ASTN1: variants seen among roughly 807,000 people sequenced by gnomAD.
The protein encoded by ASTN1 is astrotactin 1.
ASTN1 carries 41 observed loss-of-function variants against 140.7 expected under a neutral mutation model. The ratio of observed to expected loss-of-function variants is 0.29; its 90% CI spans 0.23 to 0.38. The LOEUF is 0.38. Among genes scored for constraint, ASTN1 ranks in the 10% least tolerant of loss-of-function variants. The probability of loss-of-function intolerance (pLI) is 1.00; values close to 1 mark genes in which losing one functional copy is unlikely to be tolerated. For missense variants in ASTN1, 1,479 were observed against 1,678.8 expected (o/e 0.88, Z 2.08); for synonymous variants, 640 against 652.2 (o/e 0.98, Z 0.29).
chr1:176,988,317 G>GAA lies in ASTN1; in HGVS notation c.1524-23082_1524-23081dup, dbSNP rs386368806. On this transcript the variant is annotated intron_variant, in intron 8 of 22. Transcript: ENST00000361833. ...GTAGAAATTGCAGAGGATATATTGG[G>GAA]AAAAAAAAAAAAAAAACCTTTCCTT... Among the ~76,000 whole-genome samples, 388 of 139,984 alleles carry GAA rather than the reference G, an allele frequency of 2.8e-3. 2 individuals are homozygous for GAA. Among genetic ancestry groups the GAA allele is most frequent in the African/African-American group, 9.6e-3 (365 of 38,208 alleles). 91.8% of individuals were successfully genotyped at this position (139,984 alleles called of 152,430 possible).
chr1:177,059,265 CAGACCATATTATAAATTTGA>C (rs561124032), intron 2 of ASTN1, among the ~76,000 whole-genome samples: 2 of 152,226 alleles, frequency 1.3e-5, no homozygotes, highest in Admixed American at 1.3e-4. Flanking sequence ...TCTTTTTAGT[CAGACCATATTATAAATTTGA>C]AGACAATCTG....
intron 8 of ASTN1, among the ~76,000 whole-genome samples, chr1:176,986,996 C>T (rs970618079): frequency 3.9e-5 from 6 of 152,054 alleles, no homozygotes; most frequent in Non-Finnish European, 8.8e-5. Context: ...TTTTGACCCC[C>T]CTCTTAACTA....
chr1:177,034,889 C>A (rs892358713), intron 2 of ASTN1, among the ~76,000 whole-genome samples: 1 of 152,140 alleles, frequency 6.6e-6, no homozygotes, highest in African/African-American at 2.4e-5. Flanking sequence ...GTAGCGTAAG[C>A]ATCAATCTCT....
At chr1:176,930,267 C>T (rs986235391) in intron 16 of ASTN1, among the ~76,000 whole-genome samples, 2 of 152,152 alleles carry the variant, frequency 1.3e-5, no homozygotes, top group African/African-American at 4.8e-5. Flanking sequence ...CACAAATCTA[C>T]CACAGTGTAG....
intron 8 of ASTN1, among the ~76,000 whole-genome samples, chr1:177,002,596 TA>T (rs148985179): frequency 2.6e-5 from 4 of 151,822 alleles, no homozygotes; most frequent in Admixed American, 6.6e-5. Context: ...ATTCCTTTTG[TA>T]AAAAAAATAG....
At chr1:176,857,556 C>G (rs1667849661), downstream of ASTN1, 1 of 514,556 alleles carries the variant, frequency 1.9e-6, no homozygotes, top group Non-Finnish European at 3.5e-6. Flanking sequence ...GAGATGCCAT[C>G]TGAGGCAGGG....
At chr1:177,088,832 C>A (rs1458439867) in intron 1 of ASTN1, among the ~76,000 whole-genome samples, 1 of 152,112 alleles carries the variant, frequency 6.6e-6, no homozygotes, top group Non-Finnish European at 1.5e-5. Context: ...ATGGAGTTTT[C>A]TTTGCTCTCT....
rs138652147 is a variant in ASTN1 at position 176,945,391 on chromosome 1, A to C, written c.2249+535T>G. Among the ~76,000 whole-genome samples the C allele has an allele frequency of 7.0e-4, 107 of 152,348 alleles. No individual in the cohort carries two copies. The Middle Eastern group carries it at 0.014, about 19-fold the overall frequency. On this transcript the variant is annotated intron_variant, in intron 13 of 22. Transcript: ENST00000361833. ...TTTTATAAAACATGAGAGAAGTAAT[A>C]TTTTATATTTTTTGCAAATTTAAAA...
chr1:177,071,541 C>A (rs545065585), intron 1 of ASTN1, among the ~76,000 whole-genome samples: 3 of 152,318 alleles, frequency 2.0e-5, no homozygotes, highest in African/African-American at 7.2e-5. Context: ...TTCTAGGGAA[C>A]AGGCTTTCCA....
intron 16 of ASTN1, among the ~76,000 whole-genome samples, chr1:176,924,061 A>G (rs139355737): frequency 1.8e-4 from 28 of 152,298 alleles, no homozygotes; most frequent in African/African-American, 6.5e-4. Flanking sequence ...CTGAATTTCC[A>G]TGGCCAGCCC....
At chr1:176,884,587 C>A in intron 18 of ASTN1, 97 bp from the exon 19 acceptor site, 1 of 1,340,918 alleles carries the variant, frequency 7.5e-7, no homozygotes. Flanking sequence ...CTTTTCTTTC[C>A]CAACCAACTA....
At chr1:176,964,173 C>T (rs556939190) in intron 9 of ASTN1, among the ~76,000 whole-genome samples, 1 of 152,236 alleles carries the variant, frequency 6.6e-6, no homozygotes, top group African/African-American at 2.4e-5. Context: ...CAGGGATGGT[C>T]TAGGAAGGGG....
chr1:177,110,254 C>A (rs1160796400), intron 1 of ASTN1, among the ~76,000 whole-genome samples: 2 of 152,092 alleles, frequency 1.3e-5, no homozygotes, highest in African/African-American at 4.8e-5. Context: ...AGATTACATG[C>A]AAAAAGACCT....
intron 16 of ASTN1, among the ~76,000 whole-genome samples, chr1:176,898,961 G>A (rs1000364322): frequency 6.6e-6 from 1 of 152,158 alleles, no homozygotes; most frequent in African/African-American, 2.4e-5. Context: ...TGACAAAGGT[G>A]CCTTTTGATA....
intron 1 of ASTN1, among the ~76,000 whole-genome samples, chr1:177,085,725 C>A (rs1679432213): frequency 6.6e-6 from 1 of 152,186 alleles, no homozygotes; most frequent in African/African-American, 2.4e-5. Flanking sequence ...CTTGTTCACA[C>A]AATTGTTGGC....
At chr1:177,063,360 G>A (rs1023233120) in intron 1 of ASTN1, among the ~76,000 whole-genome samples, 2 of 152,116 alleles carry the variant, frequency 1.3e-5, no homozygotes, top group Non-Finnish European at 2.9e-5. Context: ...CCATTGGGTT[G>A]CTAAGCTGTC....
chr1:176,874,872 T>C (rs979574658), intron 21 of ASTN1, among the ~76,000 whole-genome samples: 19 of 152,176 alleles, frequency 1.2e-4, no homozygotes, highest in Admixed American at 4.6e-4. Flanking sequence ...AGCAGTTAGA[T>C]GGGAGGCAGG....
intron 16 of ASTN1, among the ~76,000 whole-genome samples, chr1:176,915,214 A>G (rs1282995106): frequency 6.6e-6 from 1 of 152,190 alleles, no homozygotes. Context: ...ACTTTGGGAA[A>G]TACCCTAATA....
Position 176,894,698 on chromosome 1 carries a change from C to T in ASTN1, c.2804G>A (p.Ser935Asn), listed in dbSNP as rs1300615212. Residue 935 changes from serine (S) to asparagine (N), a missense_variant, in exon 17 of 23, where the codon AGC (serine) becomes AAC (asparagine). Ser to Asn is a conservative substitution (Grantham distance 46). Transcript: ENST00000361833. ...MAAGVRMECH[S>N]KGRCPSSCPL... Reference sequence around the variant, plus strand: ...GCAGGACGAGGGGCATCGTCCCTTGCTGTGGCACTCCATGCGGACTCCAGC... The same window carrying T: ...GCAGGACGAGGGGCATCGTCCCTTGTTGTGGCACTCCATGCGGACTCCAGC... 2 of 1,614,022 alleles carry T rather than the reference C, an allele frequency of 1.2e-6. No individual in the cohort carries two copies. Among genetic ancestry groups the T allele is most frequent in the African/African-American group, 1.3e-5 (1 of 74,934 alleles).
Sources: allele counts gnomAD v4.1 joint callset (sites outside exome capture counted in the v4.1 genomes callset), GRCh38; gene constraint gnomAD v4.1.1; transcripts MANE v1.5; gene names NCBI Gene and HGNC (gene_info 2026-07-23, HGNC 2026-07-21).